Variants in SLC5A9 observed in about 807,000 individuals in gnomAD.
SLC5A9 encodes solute carrier family 5 member 9.
In SLC5A9, 59 loss-of-function variants were observed where a neutral mutation model predicts 70.9. The observed-to-expected ratio is 0.83, with a 90% confidence interval of 0.68 to 1.03. SLC5A9 has a LOEUF of 1.03. SLC5A9 is among the 50% of genes least tolerant of loss of function. The probability of loss-of-function intolerance (pLI) is 0.00; values close to 1 mark genes in which losing one functional copy is unlikely to be tolerated. For synonymous variants in SLC5A9, 340 were observed against 346.5 expected, an observed-to-expected ratio of 0.98 and a Z score of 0.21; for missense variants, 832 against 881.1, an observed-to-expected ratio of 0.94 and a Z score of 0.71.
chr1:48,230,271 TC>T (rs1425779376), intron 4 of SLC5A9, among the ~76,000 whole-genome samples: 1 of 152,190 alleles, frequency 6.6e-6, no homozygotes, highest in Non-Finnish European at 1.5e-5. Flanking sequence ...CTAAATGAGC[TC>T]TTCTTCTCCA....
At chr1:48,236,708 C>G (rs893707308) in intron 10 of SLC5A9, among the ~76,000 whole-genome samples, 1 of 152,238 alleles carries the variant, frequency 6.6e-6, no homozygotes, top group African/African-American at 2.4e-5. Flanking sequence ...CATCTCCCTG[C>G]CTTTGCACTC....
rs150185389 is a variant in SLC5A9 at position 48,237,801 on chromosome 1, C to T, written c.1415C>T (p.Thr472Ile). ...AVTSYLAPPI[T>I]ALFLLAIFCK... The stretch of plus-strand genomic sequence containing the variant: ...ACCAGTTACCTGGCCCCACCCATCA[C>T]CGCTCTCTTCCTGCTGGCCATCTTC... Residue 472 changes from threonine (T) to isoleucine (I), a missense_variant, in exon 11 of 14, where the codon ACC becomes ATC. By Grantham distance (89) the Thr-to-Ile change is moderately conservative. Coordinates refer to ENST00000438567, the MANE Select transcript of SLC5A9 (RefSeq NM_001011547.3). 1 of 1,614,154 alleles carries T rather than the reference C, an allele frequency of 6.2e-7. No homozygotes were observed. The highest frequency in any genetic ancestry group is 1.1e-5 in the South Asian group (1 of 91,082).
chr1:48,241,968 T>C lies in SLC5A9; in HGVS notation c.1678-489T>C, dbSNP rs747477949. The C allele has an allele frequency of 4.8e-5, 22 of 456,206 alleles. 1 individual carries two copies. Among genetic ancestry groups the C allele is most frequent in the South Asian group, 3.3e-4 (21 of 64,574 alleles). The allele number at this position is 456,206 out of a possible 1,614,324, so 28.3% of individuals were successfully genotyped here. A position where few individuals can be genotyped will look rare whatever the true frequency, so the allele number is the denominator to read the frequency against. The stretch of plus-strand genomic sequence containing the variant: ...GGTGCCCATTATTTTTGGCTTCACT[T>C]TTACAACATCCTCCAGGCTGGACCC... On this transcript the variant is annotated intron_variant, in intron 12 of 13. Transcript: ENST00000438567.
intron 2 of SLC5A9, among the ~76,000 whole-genome samples, chr1:48,227,431 A>AGTGT (rs67073637): frequency 2.9e-5 from 3 of 102,782 alleles, no homozygotes; most frequent in African/African-American, 4.2e-5. Context: ...TGTGTGTCAG[A>AGTGT]GTGTGTGTGT....
intron 5 of SLC5A9, among the ~76,000 whole-genome samples, chr1:48,231,278 AC>A (rs1422158783): frequency 6.6e-6 from 1 of 152,216 alleles, no homozygotes; most frequent in Non-Finnish European, 1.5e-5. Context: ...TTAAACAATA[AC>A]ACAAAGCTGT....
At chr1:48,222,987 C>A (rs1644093615) in intron 1 of SLC5A9, 89 bp downstream of exon 1, 2 of 1,323,474 alleles carry the variant, frequency 1.5e-6, no homozygotes, top group Non-Finnish European at 2.1e-6. Context: ...CAGGGCTAGG[C>A]AGAAAGAAGC....
chr1:48,224,657 G>A (rs570111227), intron 1 of SLC5A9, 67 bp from the exon 2 acceptor site: 6 of 1,524,912 alleles, frequency 3.9e-6, no homozygotes, highest in Admixed American at 1.7e-5. Flanking sequence ...GGAAATCTGC[G>A]GGGAGGGGGC....
chr1:48,225,470 G>T (rs1267428263), intron 2 of SLC5A9, among the ~76,000 whole-genome samples: 1 of 152,020 alleles, frequency 6.6e-6, no homozygotes, highest in Non-Finnish European at 1.5e-5. Flanking sequence ...CATTTCTATT[G>T]GTCCTCAAAA....
intron 13 of SLC5A9, among the ~76,000 whole-genome samples, chr1:48,246,092 C>T (rs1015346307): frequency 1.1e-4 from 16 of 152,070 alleles, no homozygotes; most frequent in African/African-American, 3.9e-4. Flanking sequence ...TGGCACACCA[C>T]TTAATAACTC....
chr1:48,234,452 T>A (rs1048429437), intron 9 of SLC5A9, among the ~76,000 whole-genome samples: 1 of 152,054 alleles, frequency 6.6e-6, no homozygotes, highest in African/African-American at 2.4e-5. Flanking sequence ...GAGGCAGGCT[T>A]GTGGGTAGGC....
chr1:48,225,219 T>TG (rs1170659468), intron 2 of SLC5A9, among the ~76,000 whole-genome samples: 2 of 152,082 alleles, frequency 1.3e-5, no homozygotes, highest in Non-Finnish European at 2.9e-5. Context: ...GGAAAGATTT[T>TG]GGGGGGAAGG....
At chr1:48,235,625 C>T in intron 9 of SLC5A9, 104 bp from the exon 10 acceptor site, 2 of 1,386,018 alleles carry the variant, frequency 1.4e-6, no homozygotes, top group Non-Finnish European at 2.0e-6. Flanking sequence ...CTCTCATCCC[C>T]ACCCCCAGCT....
intron 13 of SLC5A9, among the ~76,000 whole-genome samples, chr1:48,246,044 T>G (rs1569874632): frequency 1.3e-5 from 2 of 151,782 alleles, no homozygotes; most frequent in East Asian, 3.9e-4. Flanking sequence ...GAAAGAAATA[T>G]GTACATCCCA....
chr1:48,222,922 C>A, intron 1 of SLC5A9, 24 bp downstream of exon 1: 2 of 1,612,406 alleles, frequency 1.2e-6, no homozygotes, highest in South Asian at 1.1e-5. Flanking sequence ...GAGGCTGGGG[C>A]TAGCAGGGGA....
At chr1:48,230,540 C>A in intron 4 of SLC5A9, 60 bp from the exon 5 acceptor site, 1 of 1,146,464 alleles carries the variant, frequency 8.7e-7, no homozygotes, top group South Asian at 1.2e-5. Context: ...GGTGATGTGT[C>A]CATACAACCC....
intron 13 of SLC5A9, 106 bp from the exon 14 acceptor site, chr1:48,247,229 T>A (rs1644469461): frequency 9.8e-7 from 1 of 1,021,298 alleles, no homozygotes; most frequent in Non-Finnish European, 1.5e-6. Context: ...TCCATCAGTA[T>A]CTCACCATCT....
chr1:48,228,581 T>G, intron 2 of SLC5A9: 1 of 445,542 alleles, frequency 2.2e-6, no homozygotes, highest in Admixed American at 3.8e-5. Context: ...TCCTTCCCAC[T>G]TTCCCTTTTT....
At chr1:48,229,558 TCA>T in intron 4 of SLC5A9, 99 bp downstream of exon 4, 1 of 1,541,950 alleles carries the variant, frequency 6.5e-7, no homozygotes, top group Non-Finnish European at 8.7e-7. Flanking sequence ...AAGCTGACAA[TCA>T]CTGTTGAAAA....
intron 10 of SLC5A9, among the ~76,000 whole-genome samples, 170 bp from the exon 11 acceptor site, chr1:48,237,509 G>C (rs1243126270): frequency 6.6e-6 from 1 of 152,268 alleles, no homozygotes. Context: ...GGGATTTTAA[G>C]ACTAAGTTTC....
Sources: gnomAD v4.1 joint callset for allele counts (sites outside exome capture counted in the v4.1 genomes callset) on GRCh38, gnomAD v4.1.1 for gene constraint, MANE v1.5 for transcripts, NCBI Gene and HGNC (gene_info 2026-07-23, HGNC 2026-07-21) for gene names.